FAM228B: variants seen among roughly 807,000 people sequenced by gnomAD.
The protein encoded by FAM228B is protein FAM228B.
FAM228B carries 38 observed loss-of-function variants against 42.6 expected under a neutral mutation model. That is an observed-to-expected ratio of 0.89 (90% confidence interval 0.69 to 1.17). The LOEUF is 1.17. Ranked by LOEUF, FAM228B falls within the 50% of genes most tolerant of loss-of-function variation. FAM228B has a pLI of 0.00. For synonymous variants in FAM228B, 109 were observed against 122.3 expected (o/e 0.89, Z 0.72); for missense variants, 344 against 367.3 (o/e 0.94, Z 0.52).
chr2:24,146,473 G>A (rs915886210), intron 5 of FAM228B, among the ~76,000 whole-genome samples: 2 of 152,076 alleles, frequency 1.3e-5, no homozygotes, highest in East Asian at 1.9e-4. Context: ...GGAACATATG[G>A]TAACAACAAA....
At position 24,092,923 on chromosome 2, in the gene FAM228B, T is replaced by TGC. The variant is rs1380812325; in HGVS notation, c.-209-2217_-209-2216dup. 1.7e-3 allele frequency among the ~76,000 whole-genome samples: 132 copies of TGC among 78,680 alleles called. 1 individual carries two copies. The highest frequency in any genetic ancestry group is 3.0e-3 in the African/African-American group (82 of 27,450). The allele number at this position is 78,680 out of a possible 152,430, so 51.6% of individuals were successfully genotyped here. On this transcript the variant is annotated intron_variant, in intron 2 of 10. Transcript: ENST00000613899. Reference sequence around the variant, plus strand: ...CCCCATACACATATACATGATTTTATGCACACACACACACACACACACACA... The same window carrying TGC: ...CCCCATACACATATACATGATTTTATGCGCACACACACACACACACACACACA...
At position 24,084,434 on chromosome 2, in the gene FAM228B, C is replaced by A; in HGVS notation, c.-210+3479C>A. Reference sequence around the variant, plus strand: ...GACAGGGCAGGGGCCGCTGTATCCTCGCGGAGCAGCCCAGCCTCAGGCTGG... The same window carrying A: ...GACAGGGCAGGGGCCGCTGTATCCTAGCGGAGCAGCCCAGCCTCAGGCTGG... On this transcript the variant is annotated intron_variant, in intron 2 of 10. Coordinates refer to the FAM228B transcript ENST00000613899. This position sits in a 1 kb window ranked among gnomAD's most constrained non-coding sequence, Gnocchi z 8.4. 1 of 1,351,056 alleles carries A rather than the reference C, an allele frequency of 7.4e-7. No homozygotes were observed. Among genetic ancestry groups the A allele is most frequent in the Non-Finnish European group, 9.7e-7 (1 of 1,027,534 alleles). 83.7% of individuals were successfully genotyped at this position (1,351,056 alleles called of 1,614,324 possible). A position where few individuals can be genotyped will look rare whatever the true frequency, so the allele number is the denominator to read the frequency against.
chr2:24,104,360 T>C (rs1468440374), intron 3 of FAM228B, among the ~76,000 whole-genome samples: 1 of 152,244 alleles, frequency 6.6e-6, no homozygotes, highest in Non-Finnish European at 1.5e-5. Context: ...CTATAAGCCT[T>C]GGGCCCTGGG....
Position 24,167,696 on chromosome 2 carries a change from T to C in FAM228B, c.*14+13T>C. 1 of 1,551,298 alleles carries C rather than the reference T, an allele frequency of 6.4e-7. No individual in the cohort carries two copies. The highest frequency in any genetic ancestry group is 8.7e-7 in the Non-Finnish European group (1 of 1,146,684). On this transcript the variant is annotated intron_variant, in intron 10 of 10. Transcript: ENST00000615575. Reference sequence around the variant, plus strand: ...AAAGAAGAGGGAGGTAGATGTCTTCTCTCTTTCCCTTCTTACTCTCCTATT... The same window carrying C: ...AAAGAAGAGGGAGGTAGATGTCTTCCCTCTTTCCCTTCTTACTCTCCTATT...
At chr2:24,157,972 A>G (rs1573783507) in intron 7 of FAM228B, among the ~76,000 whole-genome samples, 1 of 152,126 alleles carries the variant, frequency 6.6e-6, no homozygotes, top group East Asian at 1.9e-4. Flanking sequence ...CTTATGTTAC[A>G]TGGTGCTACC....
chr2:24,167,952 C>T lies in FAM228B; in HGVS notation c.*14+269C>T, dbSNP rs907905500. The T allele has an allele frequency of 1.3e-5, 5 of 384,696 alleles. No homozygotes were observed. The East Asian group carries it at 2.4e-4, about 18-fold the overall frequency. 23.8% of individuals were successfully genotyped at this position (384,696 alleles called of 1,614,324 possible). A position where few individuals can be genotyped will look rare whatever the true frequency, so the allele number is the denominator to read the frequency against. On this transcript the variant is annotated intron_variant, in intron 10 of 10. Transcript: ENST00000615575. ...AAAATTCCTATTGCTTGGAATTTCTCACCGGATTTCTTTTCCAGGTGTTTG... is the reference window on the plus strand; with the variant it reads ...AAAATTCCTATTGCTTGGAATTTCTTACCGGATTTCTTTTCCAGGTGTTTG...
At chr2:24,109,105 G>C (rs187391893) in intron 3 of FAM228B, among the ~76,000 whole-genome samples, 160 of 126,914 alleles carry the variant, frequency 1.3e-3, no homozygotes, top group African/African-American at 4.0e-3. Flanking sequence ...AGAGAGCCCA[G>C]AAATAATGCC....
rs1248290157 is a variant in FAM228B, at chr2:24,083,151, C to A, written c.-210+2196C>A. 1 of 1,603,228 alleles carries A rather than the reference C, an allele frequency of 6.2e-7. No individual in the cohort carries two copies. The stretch of plus-strand genomic sequence containing the variant: ...TGGAGGTGGGTCATACTGGCCTTGT[C>A]TCTGCAGAGAAAGAAGTGCACTAAG... On this transcript the variant is annotated intron_variant, in intron 2 of 10. Coordinates refer to the FAM228B transcript ENST00000613899.
At chr2:24,127,045 A>G (rs1666329627) in intron 2 of FAM228B, among the ~76,000 whole-genome samples, 1 of 151,980 alleles carries the variant, frequency 6.6e-6, no homozygotes. Flanking sequence ...CCACTATCTA[A>G]TTCCAGAACA....
chr2:24,126,854 G>T (rs1666322222), intron 2 of FAM228B, among the ~76,000 whole-genome samples: 1 of 152,076 alleles, frequency 6.6e-6, no homozygotes, highest in Admixed American at 6.5e-5. Context: ...TCGATCTCCT[G>T]ACTTCATGAT....
intron 9 of FAM228B, among the ~76,000 whole-genome samples, 186 bp from the exon 10 acceptor site, chr2:24,167,441 G>T (rs1483197720): frequency 6.6e-6 from 1 of 152,162 alleles, no homozygotes; most frequent in Non-Finnish European, 1.5e-5. Flanking sequence ...TGTAGGGTGT[G>T]ATTTTAGAGC....
chr2:24,168,672 G>A (rs536401289), intron 10 of FAM228B, among the ~76,000 whole-genome samples: 45 of 152,202 alleles, frequency 3.0e-4, no homozygotes, highest in African/African-American at 1.1e-3. Context: ...TTTTATCAGC[G>A]ATATTGATAT....
chr2:24,082,928 G>A (rs373186999), intron 2 of FAM228B: 2 of 1,613,020 alleles, frequency 1.2e-6, no homozygotes, highest in African/African-American at 2.7e-5. Context: ...AGGCCTCTGG[G>A]ATGGCTGCAG....
chr2:24,164,065 A>T, intron 8 of FAM228B, 133 bp from the exon 9 acceptor site: 1 of 823,162 alleles, frequency 1.2e-6, no homozygotes, highest in Non-Finnish European at 1.8e-6. Flanking sequence ...CAAAAAAAGT[A>T]AATACGTTTA....
At chr2:24,133,647 G>C (rs759081040) in intron 2 of FAM228B, among the ~76,000 whole-genome samples, 5 of 152,166 alleles carry the variant, frequency 3.3e-5, no homozygotes, top group African/African-American at 4.8e-5. Flanking sequence ...TGGAACATTT[G>C]TTATAAAAAT....
intron 4 of FAM228B, among the ~76,000 whole-genome samples, chr2:24,138,463 A>G (rs1200856686): frequency 1.3e-5 from 2 of 151,968 alleles, no homozygotes; most frequent in Admixed American, 6.5e-5. Context: ...TAGCCTCCCA[A>G]GTAGCTGGAA....
At position 24,077,213 on chromosome 2, in the gene FAM228B, G is replaced by A. The variant is rs1664787671; in HGVS notation, c.-290+244G>A. ...TTGCGGGGCGCGCGGGCAGGTGCCG[G>A]AGGTGGTGGGCCTGGGCCTCTAGCT... On this transcript the variant is annotated intron_variant, in intron 1 of 10. Transcript: ENST00000613899. This position sits in a 1 kb window ranked among gnomAD's most constrained non-coding sequence, Gnocchi z 5.5. Among the ~76,000 whole-genome samples the A allele has an allele frequency of 1.3e-5, 2 of 152,098 alleles. No homozygotes were observed. The highest frequency in any genetic ancestry group is 2.9e-5 in the Non-Finnish European group (2 of 68,000).
At chr2:24,149,643 G>T (rs1335589131) in intron 7 of FAM228B, among the ~76,000 whole-genome samples, 1 of 152,108 alleles carries the variant, frequency 6.6e-6, no homozygotes. Context: ...ATATTGGTCA[G>T]GCTGGTCTCA....
chr2:24,121,059 T>G, upstream of FAM228B: 1 of 1,436,736 alleles, frequency 7.0e-7, no homozygotes. Context: ...GCTCAAGACA[T>G]TAATGGATTT....
Sources: gnomAD v4.1 joint callset for allele counts (sites outside exome capture counted in the v4.1 genomes callset) on GRCh38, gnomAD v4.1.1 for gene constraint, Gnocchi (gnomAD v3.1) non-coding constraint, MANE v1.5 for transcripts, NCBI Gene and HGNC (gene_info 2026-07-23, HGNC 2026-07-21) for gene names.